The following MMP28 variants were observed in gnomAD, a reference collection of about 807,000 sequenced individuals.
MMP28 encodes matrix metallopeptidase 28, also known as matrix metalloproteinase-28.
A neutral mutation model predicts 60.5 loss-of-function variants in MMP28; 55 were observed. That is an observed-to-expected ratio of 0.91 (90% CI 0.73 to 1.14). MMP28 has a LOEUF of 1.14. Ranked by LOEUF, MMP28 falls within the 50% of genes most tolerant of loss-of-function variation. The pLI is 0.00. For synonymous variants in MMP28, 318 were observed against 312.5 expected (o/e 1.02, Z -0.18); for missense variants, 686 against 738.3 (o/e 0.93, Z 0.82).
intron 1 of MMP28, among the ~76,000 whole-genome samples, chr17:35,786,624 T>C (rs1277523601): frequency 6.7e-6 from 1 of 148,540 alleles, no homozygotes; most frequent in African/African-American, 2.5e-5. Context: ...ATCCTAGCAC[T>C]TTGGAAGGCT....
rs1555603183 is a variant in MMP28, at chr17:35,766,490, G to A, written c.*10C>T. The A allele has an allele frequency of 3.2e-6, 5 of 1,571,134 alleles. 1 individual carries two copies. In the South Asian group the frequency reaches 3.4e-5, roughly 11 times the overall value. On this transcript the variant is annotated 3_prime_UTR_variant, in exon 8 of 8. Coordinates refer to ENST00000605424, the MANE Select transcript of MMP28 (RefSeq NM_024302.5). This position sits in a 1 kb window ranked among gnomAD's most constrained non-coding sequence, Gnocchi z 4.3. ...AGAGCACCACCAGTTTCTGAGGTGA[G>A]GAGGTGCCTTCAGAACAGGGCGCTC...
chr17:35,768,977 T>C (rs1287692739), intron 5 of MMP28, among the ~76,000 whole-genome samples: 2 of 152,196 alleles, frequency 1.3e-5, no homozygotes, highest in African/African-American at 4.8e-5. Context: ...TCTTCTCTGA[T>C]TCCTGGGCAA....
Position 35,770,149 on chromosome 17 carries a change from C to T in MMP28, c.768G>A (p.Ala256=), listed in dbSNP as rs773452550. The T allele has an allele frequency of 6.2e-7, 1 of 1,606,602 alleles. No homozygotes were observed. Among genetic ancestry groups the T allele is most frequent in the Non-Finnish European group, 8.5e-7 (1 of 1,177,612 alleles). Residue 256 remains alanine, a synonymous_variant, in exon 5 of 8, where the codon GCG becomes GCA. Coordinates refer to ENST00000605424, the MANE Select transcript of MMP28 (RefSeq NM_024302.5). ...LGLTHSPAPR[A]LMAPYYKRLG... ...GCCTCTTGTAGTAGGGCGCCATGAGCGCGCGCGGCGCGGGCGAGTGGGTGA... is the reference window on the plus strand; with the variant it reads ...GCCTCTTGTAGTAGGGCGCCATGAGTGCGCGCGGCGCGGGCGAGTGGGTGA...
chr17:35,759,684 G>T (rs1366412061), intron 2 of MMP28, among the ~76,000 whole-genome samples: 1 of 152,086 alleles, frequency 6.6e-6, no homozygotes, highest in South Asian at 2.1e-4. Flanking sequence ...CTGGGTGACG[G>T]TGAGACTCTG....
downstream of MMP28, chr17:35,764,473 G>T (rs1555602364): frequency 6.4e-7 from 1 of 1,564,488 alleles, no homozygotes; most frequent in Admixed American, 1.8e-5. Flanking sequence ...ATCCGGCGAC[G>T]ACCGCCGCGC....
intron 1 of MMP28, among the ~76,000 whole-genome samples, chr17:35,794,232 G>A (rs929485920): frequency 1.3e-5 from 2 of 149,848 alleles, no homozygotes; most frequent in Admixed American, 1.3e-4. Context: ...ATACTGTTGT[G>A]TTATTACAAC....
rs369105121 is a variant in MMP28 at position 35,767,793 on chromosome 17, G to A, written c.1127C>T (p.Ala376Val). 59 of 1,592,798 alleles carry A rather than the reference G, an allele frequency of 3.7e-5. No homozygotes were observed. The highest frequency in any genetic ancestry group is 9.4e-5 in the African/African-American group (7 of 74,466). Residue 376 changes from alanine to valine, a missense_variant, in exon 7 of 8, where the codon GCG becomes GTG. Physicochemically the swap from Ala to Val is moderately conservative, Grantham distance 64. Coordinates refer to ENST00000605424, the MANE Select transcript of MMP28 (RefSeq NM_024302.5). ...ATCTCCATCATTCAATGACACTGCC[G>A]CAGCCTCAATGTTGGGGGGCAGCCC... ...WVGLPPNIEA[A>V]AVSLNDGDFY...
Position 35,782,083 on chromosome 17 carries a change from G to A in MMP28, c.112-2760C>T, listed in dbSNP as rs546278628. 6.4e-5 allele frequency among the ~76,000 whole-genome samples: 9 copies of A among 139,818 alleles called. No individual in the cohort carries two copies. In the South Asian group the frequency reaches 1.6e-3, roughly 24 times the overall value. The allele number at this position is 139,818 out of a possible 152,430, so 91.7% of individuals were successfully genotyped here. On this transcript the variant is annotated intron_variant, in intron 1 of 7. Transcript: ENST00000605424. ...TTTTTTTTTTTTGAGACAGAGTCTC[G>A]CTCTGTCGCCCAGGCTGGTGTACAG...
At chr17:35,771,053 AAAC>A (rs964914753) in intron 4 of MMP28, among the ~76,000 whole-genome samples, 15 of 151,868 alleles carry the variant, frequency 9.9e-5, no homozygotes, top group East Asian at 5.8e-4. Context: ...ACCCTGTCTC[AAAC>A]AACAACAACA....
In MMP28 at chr17:35,795,278, T is replaced by A; in HGVS notation, c.100A>T (p.Lys34Ter). The change falls in exon 1 of 8, where the codon AAG (lysine) becomes TAG (stop). Residue 34 changes from lysine (K) to a stop codon, truncating the protein, a stop_gained. Transcript: ENST00000605424. LOFTEE classifies it high-confidence loss of function. ...TACACACGGCGTACCTCCGCCTCCT[T>A]GCGCAGCTCCTGGCCTCCGCGCTCC... ...PAERGGQELRKEAEAFLEKYG... is the reference protein window; with the variant it reads ...PAERGGQELR 6.9e-7 allele frequency: 1 copy of A among 1,445,964 alleles called. No individual in the cohort carries two copies. 89.6% of individuals were successfully genotyped at this position (1,445,964 alleles called of 1,614,324 possible). A position where few individuals can be genotyped will look rare whatever the true frequency, so the allele number is the denominator to read the frequency against.
rs574237498 is a variant in MMP28 at position 35,785,014 on chromosome 17, C to A, written c.112-5691G>T. ...TAAAAGCTTGTGCCAACATGCCTTACCCCCTTGGTTAGGGCTGGGACCACT... is the reference window on the plus strand; with the variant it reads ...TAAAAGCTTGTGCCAACATGCCTTAACCCCTTGGTTAGGGCTGGGACCACT... On this transcript the variant is annotated intron_variant, in intron 1 of 7. Coordinates refer to ENST00000605424, the MANE Select transcript of MMP28 (RefSeq NM_024302.5). Among the ~76,000 whole-genome samples, 16 of 152,254 alleles carry A rather than the reference C, an allele frequency of 1.1e-4. No homozygotes were observed. The East Asian group carries it at 2.9e-3, about 28-fold the overall frequency.
chr17:35,775,320 A>T (rs2086293209), intron 3 of MMP28, among the ~76,000 whole-genome samples: 1 of 152,204 alleles, frequency 6.6e-6, no homozygotes, highest in Non-Finnish European at 1.5e-5. Flanking sequence ...ATTTGCTCCC[A>T]TGGAGAAAGC....
downstream of MMP28, chr17:35,764,596 C>T (rs1218414884): frequency 1.3e-6 from 2 of 1,587,852 alleles, no homozygotes; most frequent in African/African-American, 1.4e-5. Flanking sequence ...CTGGGTAAGG[C>T]GGGGGCCGCT....
At chr17:35,760,463 G>A (rs918122256) in intron 2 of MMP28, among the ~76,000 whole-genome samples, 1 of 152,100 alleles carries the variant, frequency 6.6e-6, no homozygotes, top group African/African-American at 2.4e-5. Flanking sequence ...GAGAGCATGG[G>A]GTGAAGAAGG....
chr17:35,788,046 C>T (rs753556939), intron 1 of MMP28, among the ~76,000 whole-genome samples: 5 of 151,894 alleles, frequency 3.3e-5, no homozygotes, highest in Non-Finnish European at 7.4e-5. Context: ...GCTCGGACTA[C>T]AGGCATGTGC....
At chr17:35,780,637 C>T (rs1000693606) in intron 1 of MMP28, among the ~76,000 whole-genome samples, 4 of 151,896 alleles carry the variant, frequency 2.6e-5, no homozygotes, top group African/African-American at 9.7e-5. Context: ...GAGTTCGAGA[C>T]CAGCCTGGCC....
chr17:35,788,845 G>C (rs539178888), intron 1 of MMP28, among the ~76,000 whole-genome samples: 1 of 152,108 alleles, frequency 6.6e-6, no homozygotes, highest in Non-Finnish European at 1.5e-5. Context: ...GAGCCCTTGG[G>C]AATCTGTGTT....
chr17:35,773,490 G>A, intron 3 of MMP28, 86 bp from the exon 4 acceptor site: 1 of 1,208,444 alleles, frequency 8.3e-7, no homozygotes, highest in South Asian at 1.5e-5. Flanking sequence ...GCGAGGGGTA[G>A]GCCCTCCCCC....
chr17:35,794,795 G>C (rs1180350446), intron 1 of MMP28, among the ~76,000 whole-genome samples: 1 of 152,200 alleles, frequency 6.6e-6, no homozygotes, highest in Non-Finnish European at 1.5e-5. Context: ...GTTCTGAGCA[G>C]TTTAAATGGC....
Sources: gnomAD v4.1 joint callset for allele counts (sites outside exome capture counted in the v4.1 genomes callset) on GRCh38, gnomAD v4.1.1 for gene constraint, Gnocchi (gnomAD v3.1) non-coding constraint, MANE v1.5 for transcripts, NCBI Gene and HGNC (gene_info 2026-07-23, HGNC 2026-07-21) for gene names.